GATA4: variants seen among roughly 807,000 people sequenced by gnomAD.
GATA4 encodes the protein GATA binding protein 4.
In GATA4, 7 loss-of-function variants were observed where a neutral mutation model predicts 37.9. The ratio of observed to expected loss-of-function variants is 0.18; its 90% CI spans 0.11 to 0.35. The LOEUF is 0.35. GATA4 is among the 10% of genes least tolerant of loss of function. The pLI is 1.00. For missense variants in GATA4, 647 were observed against 653.0 expected (o/e 0.99, Z 0.10); for synonymous variants, 372 against 292.6 (o/e 1.27, Z -2.77).
intron 1 of GATA4, among the ~76,000 whole-genome samples, chr8:11,694,705 G>A (rs940993903): frequency 3.9e-5 from 6 of 152,124 alleles, no homozygotes; most frequent in African/African-American, 9.7e-5. Flanking sequence ...TTCAAATGAC[G>A]AAATTAAAAT....
rs1331442555 is a variant in GATA4, at chr8:11,741,618, A to T, written c.617-7298A>T. ...TCCTACATTTCTCCTGGAGCCAGCA[A>T]CTGATCCTGCATTTTATGGGGAAAT... On this transcript the variant is annotated intron_variant, in intron 2 of 6. Coordinates refer to ENST00000532059, the MANE Select transcript of GATA4 (RefSeq NM_001308093.3). 3.3e-5 allele frequency among the ~76,000 whole-genome samples: 5 copies of T among 152,216 alleles called. No individual in the cohort carries two copies. The East Asian group carries it at 9.6e-4, about 29-fold the overall frequency.
intron 2 of GATA4, among the ~76,000 whole-genome samples, chr8:11,734,574 C>T (rs1801361194): frequency 2.6e-5 from 4 of 152,314 alleles, no homozygotes; most frequent in South Asian, 4.1e-4. Flanking sequence ...GCAACCTCCG[C>T]CTCCTGGGTT....
At chr8:11,730,574 G>A (rs568087296) in intron 2 of GATA4, among the ~76,000 whole-genome samples, 1 of 152,230 alleles carries the variant, frequency 6.6e-6, no homozygotes, top group Non-Finnish European at 1.5e-5. Context: ...ACTAGGCAGA[G>A]GTGCAGACAG....
Position 11,708,476 on chromosome 8 carries a change from A to C in GATA4, c.164A>C (p.Gln55Pro). Residue 55 changes from glutamine (Q) to proline (P), a missense_variant, in exon 2 of 7, where the codon CAG becomes CCG. Physicochemically the swap from Gln to Pro is moderately conservative, Grantham distance 76. Coordinates refer to ENST00000532059, the MANE Select transcript of GATA4 (RefSeq NM_001308093.3). The surrounding 1 kb of genome is among the most constrained non-coding windows in gnomAD (Gnocchi z 6.7). ...TCCGTGCTGGGCCTGTCCTACCTCC[A>C]GGGCGGAGGCGCGGGCTCTGCGTCC... ...PSSVLGLSYLQGGGAGSASGG... is the reference protein window; with the variant it reads ...PSSVLGLSYLPGGGAGSASGG... The C allele has an allele frequency of 6.6e-7, 1 of 1,509,138 alleles. No individual in the cohort carries two copies. The highest frequency in any genetic ancestry group is 1.2e-5 in the South Asian group (1 of 81,516). The allele number at this position is 1,509,138 out of a possible 1,614,324, so 93.5% of individuals were successfully genotyped here. A position where few individuals can be genotyped will look rare whatever the true frequency, so the allele number is the denominator to read the frequency against.
chr8:11,690,567 A>G (rs1284476715), upstream of GATA4, among the ~76,000 whole-genome samples: 2 of 152,104 alleles, frequency 1.3e-5, no homozygotes, highest in African/African-American at 2.4e-5. Flanking sequence ...AAAACAAAAA[A>G]AAGCTGGCCT....
chr8:11,721,279 G>A (rs981862795), intron 2 of GATA4, among the ~76,000 whole-genome samples: 5 of 150,698 alleles, frequency 3.3e-5, no homozygotes, highest in African/African-American at 1.2e-4. Context: ...CCTATAGGAA[G>A]GCCATTCTGA....
rs1554488917 is a variant in GATA4, at chr8:11,709,580, G to GGA, written c.616+653_616+654insAG. Among the ~76,000 whole-genome samples, 1 of 151,954 alleles carries GGA rather than the reference G, an allele frequency of 6.6e-6. No homozygotes were observed. The highest frequency in any genetic ancestry group is 1.5e-5 in the Non-Finnish European group (1 of 67,886). ...TGGGCGCATCATGCGGGCAGCGGGG[G>GGA]GGGGGGCGCACACGCCCGGTCAGTG... On this transcript the variant is annotated intron_variant, in intron 2 of 6. Transcript: ENST00000532059. The surrounding 1 kb of genome is among the most constrained non-coding windows in gnomAD (Gnocchi z 4.3).
At chr8:11,698,853 G>A (rs2130013294) in intron 1 of GATA4, among the ~76,000 whole-genome samples, 1 of 152,230 alleles carries the variant, frequency 6.6e-6, no homozygotes, top group South Asian at 2.1e-4. Context: ...TGGTTTGTAG[G>A]CGATAGCAGC....
chr8:11,703,424 C>A (rs1221080056), upstream of GATA4, among the ~76,000 whole-genome samples: 1 of 152,090 alleles, frequency 6.6e-6, no homozygotes. Context: ...CTGGAAGAGC[C>A]CCCTCCATGA....
chr8:11,692,534 G>A (rs560386711), upstream of GATA4: 5 of 985,472 alleles, frequency 5.1e-6, no homozygotes, highest in African/African-American at 5.2e-5. Flanking sequence ...TGCTCATGCG[G>A]ATCTAGATTG....
Position 11,708,833 on chromosome 8 carries a change from C to T in GATA4, c.521C>T (p.Ala174Val). 1.3e-6 allele frequency: 2 copies of T among 1,495,422 alleles called. No individual in the cohort carries two copies. Among genetic ancestry groups the T allele is most frequent in the Non-Finnish European group, 1.8e-6 (2 of 1,130,148 alleles). The allele number at this position is 1,495,422 out of a possible 1,614,324, so 92.6% of individuals were successfully genotyped here. ...AYMADVGASW[A>V]AAAAASAGPF... ...ATGGCCGACGTGGGCGCGTCCTGGG[C>T]CGCAGCCGCCGCCGCCTCCGCCGGC... Residue 174 changes from alanine (A) to valine (V), a missense_variant, in exon 2 of 7, where the codon GCC (alanine) becomes GTC (valine). By Grantham distance (64) the Ala-to-Val change is moderately conservative. Coordinates refer to ENST00000532059, the MANE Select transcript of GATA4 (RefSeq NM_001308093.3). This position sits in a 1 kb window ranked among gnomAD's most constrained non-coding sequence, Gnocchi z 6.7.
upstream of GATA4, among the ~76,000 whole-genome samples, chr8:11,688,801 C>T (rs1351859837): frequency 2.6e-5 from 4 of 152,104 alleles, no homozygotes; most frequent in Admixed American, 6.5e-5. Context: ...AATTGATGGC[C>T]CCAATTAAGA....
At chr8:11,687,297 T>A (rs539920658) in intron 1 of GATA4, among the ~76,000 whole-genome samples, 136 of 152,114 alleles carry the variant, frequency 8.9e-4, no homozygotes, top group Non-Finnish European at 1.6e-3. Context: ...TCAGGCACAG[T>A]TTTTTTTAGG....
chr8:11,742,459 C>G (rs941509394), intron 2 of GATA4, among the ~76,000 whole-genome samples: 1 of 142,112 alleles, frequency 7.0e-6, no homozygotes, highest in Non-Finnish European at 1.5e-5. Context: ...CAAAACAAAA[C>G]AAAACTGAGT....
Position 11,708,816 on chromosome 8 carries a change from C to G in GATA4, c.504C>G (p.Asp168Glu). Residue 168 changes from aspartate (D) to glutamate (E), a missense_variant, in exon 2 of 7, where the codon GAC becomes GAG. This residue lies in a region of GATA4 where 379 missense variants were observed against 334.5 expected (regional missense o/e 1.13). Transcript: ENST00000532059. This position sits in a 1 kb window ranked among gnomAD's most constrained non-coding sequence, Gnocchi z 6.7. ...YSSPYPAYMA[D>E]VGASWAAAAA... is the part of the protein sequence containing the mutation. ...GCCCCTACCCGGCTTACATGGCCGACGTGGGCGCGTCCTGGGCCGCAGCCG... is the reference window on the plus strand; with the variant it reads ...GCCCCTACCCGGCTTACATGGCCGAGGTGGGCGCGTCCTGGGCCGCAGCCG... The G allele has an allele frequency of 6.7e-7, 1 of 1,483,710 alleles. No individual in the cohort carries two copies. Among genetic ancestry groups the G allele is most frequent in the Non-Finnish European group, 8.9e-7 (1 of 1,124,194 alleles). 91.9% of individuals were successfully genotyped at this position (1,483,710 alleles called of 1,614,324 possible).
upstream of GATA4, among the ~76,000 whole-genome samples, chr8:11,690,987 C>T (rs1799294642): frequency 1.3e-5 from 2 of 152,196 alleles, no homozygotes; most frequent in South Asian, 4.1e-4. Flanking sequence ...AGTCTTGGCT[C>T]CACCACCTTA....
In GATA4 at chr8:11,750,236, G is replaced by A. The variant is rs773684507; in HGVS notation, c.912G>A (p.Gly304=). 1.2e-6 allele frequency: 2 copies of A among 1,612,590 alleles called. No homozygotes were observed. Among genetic ancestry groups the A allele is most frequent in the Admixed American group, 3.3e-5 (2 of 60,034 alleles). The stretch of plus-strand genomic sequence containing the variant: ...GCGGCCTCTACATGAAGCTCCACGG[G>A]GTACGTGGGTCCTGCGCCCATGCGG... ...NACGLYMKLH[G]VPRPLAMRKE... is the part of the protein sequence containing the mutation. Residue 304 remains glycine (G), a splice_region_variant and synonymous_variant, in exon 4 of 7, where the codon GGG becomes GGA. Coordinates refer to ENST00000532059, the MANE Select transcript of GATA4 (RefSeq NM_001308093.3).
intron 1 of GATA4, among the ~76,000 whole-genome samples, chr8:11,678,325 G>A (rs1328833639): frequency 6.6e-6 from 1 of 152,158 alleles, no homozygotes; most frequent in African/African-American, 2.4e-5. Context: ...GCAGAGAACA[G>A]AAAATTGTTC....
At chr8:11,721,452 G>A (rs1178295102) in intron 2 of GATA4, among the ~76,000 whole-genome samples, 1 of 151,498 alleles carries the variant, frequency 6.6e-6, no homozygotes, top group African/African-American at 2.4e-5. Flanking sequence ...GGTATAAGAA[G>A]GCGCAAGCTC....
Sources: gnomAD v4.1 joint callset for allele counts (sites outside exome capture counted in the v4.1 genomes callset) on GRCh38, gnomAD v4.1.1 for gene constraint, gnomAD v4.1.1 regional missense constraint, Gnocchi (gnomAD v3.1) non-coding constraint, MANE v1.5 for transcripts, NCBI Gene and HGNC (gene_info 2026-07-23, HGNC 2026-07-21) for gene names.